The following SNIP1 variants were observed in gnomAD, a reference collection of about 807,000 sequenced individuals.
SNIP1 encodes Smad nuclear interacting protein 1, also known as smad nuclear-interacting protein 1.
A neutral mutation model predicts 37.4 loss-of-function variants in SNIP1; 23 were observed. That is an observed-to-expected ratio of 0.61 (90% CI 0.44 to 0.87). The LOEUF (loss-of-function observed/expected upper bound fraction) is 0.87, where lower values mean the gene tolerates loss of function less well. SNIP1 is among the 40% of genes least tolerant of loss of function. The pLI is 0.00. For synonymous variants in SNIP1, 174 were observed against 200.0 expected, an observed-to-expected ratio of 0.87 and a Z score of 1.10; for missense variants, 459 against 540.4, an observed-to-expected ratio of 0.85 and a Z score of 1.49.
chr1:37,540,069 TC>T lies in SNIP1; in HGVS notation c.926+87del, dbSNP rs1570018457. Reference sequence around the variant, plus strand: ...TAACATATGAGGGGTATGGGATTCTTCTGCATAAACATGAACAAAAATCTTA... The same window carrying T: ...TAACATATGAGGGGTATGGGATTCTTTGCATAAACATGAACAAAAATCTTA... On this transcript the variant is annotated intron_variant, in intron 3 of 3. Transcript: ENST00000296215. The surrounding 1 kb of genome is among the most constrained non-coding windows in gnomAD (Gnocchi z 5.6). 8.5e-7 allele frequency: 1 copy of T among 1,173,290 alleles called. No individual in the cohort carries two copies. The highest frequency in any genetic ancestry group is 2.4e-5 in the East Asian group (1 of 42,354). 72.7% of individuals were successfully genotyped at this position (1,173,290 alleles called of 1,614,324 possible). A position where few individuals can be genotyped will look rare whatever the true frequency, so the allele number is the denominator to read the frequency against.
intron 2 of SNIP1, chr1:37,541,017 T>A: frequency 2.7e-6 from 1 of 367,968 alleles, no homozygotes; most frequent in Non-Finnish European, 4.9e-6. Context: ...CAAGAGACTA[T>A]TTAGTCCAGA....
intron 2 of SNIP1, chr1:37,548,822 CT>C (rs1643271039): frequency 6.6e-6 from 1 of 151,524 alleles, no homozygotes; most frequent in South Asian, 2.1e-4. Flanking sequence ...TCTCATTACT[CT>C]TTTATCTCTC....
In SNIP1 at chr1:37,554,072, G is replaced by T. The variant is rs758846712; in HGVS notation, c.158C>A (p.Pro53Gln). Residue 53 changes from proline (P) to glutamine (Q), a missense_variant, in exon 1 of 4, where the codon CCG becomes CAG. Coordinates refer to ENST00000296215, the MANE Select transcript of SNIP1 (RefSeq NM_024700.4). The stretch of plus-strand genomic sequence containing the variant: ...GGCCGGCTCGCTGGTCGGCGGAGAC[G>T]GGCTACCACCGGAGTGGTCCGGACG... ...HRRPDHSGGSPSPPTSEPARS... is the reference protein window; with the variant it reads ...HRRPDHSGGSQSPPTSEPARS... 6 of 1,602,640 alleles carry T rather than the reference G, an allele frequency of 3.7e-6. No homozygotes were observed. The South Asian group carries it at 5.6e-5, about 15-fold the overall frequency.
chr1:37,550,294 G>C (rs1290233130), intron 2 of SNIP1, among the ~76,000 whole-genome samples: 1 of 152,204 alleles, frequency 6.6e-6, no homozygotes, highest in Non-Finnish European at 1.5e-5. Context: ...AATGAAGACA[G>C]CTACAGACTG....
At chr1:37,542,642 A>G (rs1056935009) in intron 2 of SNIP1, among the ~76,000 whole-genome samples, 2 of 152,204 alleles carry the variant, frequency 1.3e-5, no homozygotes, top group African/African-American at 4.8e-5. Flanking sequence ...CGGAAAGCTG[A>G]GGTGGGAGGA....
intron 3 of SNIP1, among the ~76,000 whole-genome samples, chr1:37,539,196 T>C (rs1053019566): frequency 1.3e-5 from 2 of 152,160 alleles, no homozygotes; most frequent in African/African-American, 4.8e-5. Flanking sequence ...AAGTGCACAA[T>C]AAATGTAATG....
At chr1:37,544,930 T>G in intron 2 of SNIP1, 2 of 968,766 alleles carry the variant, frequency 2.1e-6, no homozygotes, top group Non-Finnish European at 3.3e-6. Context: ...ACCAATCTCA[T>G]GAGGAGAGGG....
At chr1:37,553,742 T>G (rs1377590396) in intron 1 of SNIP1, among the ~76,000 whole-genome samples, 1 of 152,112 alleles carries the variant, frequency 6.6e-6, no homozygotes, top group Non-Finnish European at 1.5e-5. Context: ...TGCTATCTGT[T>G]GGGCCACACT....
intron 2 of SNIP1, among the ~76,000 whole-genome samples, chr1:37,548,296 T>C (rs1461656046): frequency 6.6e-6 from 1 of 151,956 alleles, no homozygotes; most frequent in Admixed American, 6.6e-5. Context: ...TAAATAGTTG[T>C]TATACTGTTA....
At chr1:37,541,769 C>T (rs1055026359) in intron 2 of SNIP1, among the ~76,000 whole-genome samples, 2 of 152,118 alleles carry the variant, frequency 1.3e-5, no homozygotes, top group Non-Finnish European at 2.9e-5. Flanking sequence ...GCTGAAACCA[C>T]GGATAGTACC....
intron 2 of SNIP1, among the ~76,000 whole-genome samples, chr1:37,549,891 A>G (rs150900223): frequency 5.3e-4 from 81 of 152,358 alleles, no homozygotes; most frequent in African/African-American, 1.8e-3. Context: ...AGAGTGACAG[A>G]CACTGACAAA....
chr1:37,541,220 T>TA (rs962237371), intron 2 of SNIP1: 18 of 150,458 alleles, frequency 1.2e-4, no homozygotes, highest in Non-Finnish European at 2.2e-4. Flanking sequence ...CTTCCATAGT[T>TA]AAAAAAAAAA....
At position 37,552,680 on chromosome 1, in the gene SNIP1, G is replaced by A. The variant is rs1026899786; in HGVS notation, c.292C>T (p.Arg98Ter). The A allele has an allele frequency of 2.5e-6, 4 of 1,614,040 alleles. No individual in the cohort carries two copies. Among genetic ancestry groups the A allele is most frequent in the Non-Finnish European group, 3.4e-6 (4 of 1,180,026 alleles). The change falls in exon 2 of 4, where the codon CGA becomes TGA. Residue 98 changes from arginine (R) to a stop codon, truncating the protein, a stop_gained. Coordinates refer to ENST00000296215, the MANE Select transcript of SNIP1 (RefSeq NM_024700.4). LOFTEE classifies it high-confidence loss of function. ...TTGACTGTTGAGTGGTGAGGACTTC[G>A]GTTTCTCTTACTGCGAGGAGACTTG... ...RSKSPRSKRNRSPHHSTVKVK... is the reference protein window; with the variant it reads ...RSKSPRSKRN
chr1:37,545,775 TAGTG>T (rs1294866637), intron 2 of SNIP1, among the ~76,000 whole-genome samples: 1 of 151,922 alleles, frequency 6.6e-6, no homozygotes, highest in Non-Finnish European at 1.5e-5. Context: ...CTGGGTAACA[TAGTG>T]AGACCCACCC....
intron 2 of SNIP1, chr1:37,549,097 T>TAAAAAAAAAAAAAAAAAA (rs71278744): frequency 7.3e-6 from 1 of 136,718 alleles, no homozygotes. Flanking sequence ...CAAGTAATCT[T>TAAAAAAAAAAAAAAAAAA]AAAAAAAAAA....
chr1:37,537,678 A>G lies in SNIP1; in HGVS notation c.*70T>C. ...ACCATAGTGCTGGACCCACCACCATAGTGCTCTCTGAGTCAATCAAAGACT... is the reference window on the plus strand; with the variant it reads ...ACCATAGTGCTGGACCCACCACCATGGTGCTCTCTGAGTCAATCAAAGACT... On this transcript the variant is annotated 3_prime_UTR_variant, in exon 4 of 4. Transcript: ENST00000296215. The G allele has an allele frequency of 6.6e-7, 1 of 1,521,662 alleles. No individual in the cohort carries two copies. The highest frequency in any genetic ancestry group is 2.2e-5 in the East Asian group (1 of 44,448). The allele number at this position is 1,521,662 out of a possible 1,614,324, so 94.3% of individuals were successfully genotyped here. A position where few individuals can be genotyped will look rare whatever the true frequency, so the allele number is the denominator to read the frequency against.
chr1:37,538,011 G>A lies in SNIP1; in HGVS notation c.928C>T (p.Leu310Phe), dbSNP rs767376968. ...SKQHAVFQYR[L>F]VEYTRADGTV... ...CCATCAGCACGGGTATATTCCACAA[G>A]CCTAGCAGAAAAAAAGGAGAAACCT... Residue 310 changes from leucine (L) to phenylalanine (F), a missense_variant and splice_region_variant, in exon 4 of 4, where the codon CTT becomes TTT. Physicochemically the swap from Leu to Phe is conservative, Grantham distance 22. Coordinates refer to ENST00000296215, the MANE Select transcript of SNIP1 (RefSeq NM_024700.4). 6.3e-7 allele frequency: 1 copy of A among 1,583,392 alleles called. No homozygotes were observed. Among genetic ancestry groups the A allele is most frequent in the South Asian group, 1.2e-5 (1 of 86,444 alleles).
chr1:37,544,270 C>A (rs1423500132), intron 2 of SNIP1, among the ~76,000 whole-genome samples: 1 of 151,350 alleles, frequency 6.6e-6, no homozygotes, highest in Non-Finnish European at 1.5e-5. Context: ...GATGGTGAAA[C>A]CCTGTCTGTA....
chr1:37,552,234 G>A lies in SNIP1; in HGVS notation c.327+411C>T, dbSNP rs115258492. On this transcript the variant is annotated intron_variant, in intron 2 of 3. Transcript: ENST00000296215. Reference sequence around the variant, plus strand: ...AAGTTAAGGAAGGATAAAAGTGGGAGATAAGTGGGTTTGGCTACAAAAGGA... The same window carrying A: ...AAGTTAAGGAAGGATAAAAGTGGGAAATAAGTGGGTTTGGCTACAAAAGGA... 4.3e-3 allele frequency among the ~76,000 whole-genome samples: 661 copies of A among 152,328 alleles called. 2 individuals carry two copies. The highest frequency in any genetic ancestry group is 0.015 in the African/African-American group (640 of 41,562).
Sources: gnomAD v4.1 joint callset for allele counts (sites outside exome capture counted in the v4.1 genomes callset) on GRCh38, gnomAD v4.1.1 for gene constraint, Gnocchi (gnomAD v3.1) non-coding constraint, MANE v1.5 for transcripts, NCBI Gene and HGNC (gene_info 2026-07-23, HGNC 2026-07-21) for gene names.